The following BLTP1 variants were observed in gnomAD, a reference collection of about 807,000 sequenced individuals.
The protein encoded by BLTP1 is fragile site-associated protein.
chr4:122,221,199 T>C, the BLTP1 span: 1 of 216,750 alleles, frequency 4.6e-6, no homozygotes, highest in Non-Finnish European at 7.9e-6. Context: ...ATTATGATTA[T>C]ATGTAGTAAT....
chr4:122,211,062 T>C, the BLTP1 span: 1 of 1,613,036 alleles, frequency 6.2e-7, no homozygotes, highest in Non-Finnish European at 8.5e-7. Flanking sequence ...TAACTCTCTA[T>C]GGACCTCTAC....
chr4:122,180,831 T>C, the BLTP1 span, among the ~76,000 whole-genome samples: 1 of 152,252 alleles, frequency 6.6e-6, no homozygotes, highest in Non-Finnish European at 1.5e-5. Context: ...CTCAGGGTTT[T>C]CTATTTATGT....
chr4:122,175,747 G>C, the BLTP1 span: 1 of 710,678 alleles, frequency 1.4e-6, no homozygotes, highest in Admixed American at 2.5e-5. Flanking sequence ...AGGATTTCCT[G>C]TATTTCCTTG....
the BLTP1 span, chr4:122,167,855 G>C: frequency 3.0e-6 from 3 of 985,418 alleles, no homozygotes; most frequent in Middle Eastern, 5.2e-4. Flanking sequence ...GTTCAGGAAG[G>C]GTAGAGGAAG....
chr4:122,207,715 C>T, the BLTP1 span: 6 of 1,244,088 alleles, frequency 4.8e-6, no homozygotes, highest in Non-Finnish European at 5.7e-6. Flanking sequence ...TCTTCACTCT[C>T]TTCTCCCCAG....
chr4:122,339,209 C>A, the BLTP1 span: 1 of 1,611,330 alleles, frequency 6.2e-7, no homozygotes, highest in Non-Finnish European at 8.5e-7. Context: ...ATTTTTAGCC[C>A]TCACAGATCA....
At chr4:122,315,806 A>G in the BLTP1 span, 4 of 874,702 alleles carry the variant, frequency 4.6e-6, no homozygotes, top group East Asian at 7.9e-5. Flanking sequence ...AGAGAAGGGA[A>G]TGGTGGTTCA....
the BLTP1 span, among the ~76,000 whole-genome samples, chr4:122,163,964 C>T: frequency 3.3e-5 from 5 of 152,046 alleles, 1 homozygote; most frequent in South Asian, 8.3e-4. Context: ...TAGTTGTCTC[C>T]GCCCCTCCCT....
the BLTP1 span, chr4:122,313,752 A>G: frequency 1.1e-5 from 11 of 979,294 alleles, no homozygotes; most frequent in Non-Finnish European, 1.7e-5. Context: ...ATGGCAAGAG[A>G]ATCTTTTGGC....
the BLTP1 span, chr4:122,312,847 G>A: frequency 3.6e-6 from 3 of 823,688 alleles, no homozygotes; most frequent in South Asian, 5.6e-5. Context: ...GATTCTCAGA[G>A]TGAATTACAA....
chr4:122,240,304 G>A, the BLTP1 span: 7 of 1,614,080 alleles, frequency 4.3e-6, no homozygotes, highest in East Asian at 1.6e-4. Context: ...ACACCAACCA[G>A]TGAAGAAAGT....
chr4:122,264,504 C>T, the BLTP1 span: 221 of 1,317,284 alleles, frequency 1.7e-4, no homozygotes, highest in Middle Eastern at 1.4e-3. Context: ...TCCAATAGTA[C>T]GCACCTTGGA....
At chr4:122,232,670 G>A in the BLTP1 span, among the ~76,000 whole-genome samples, 5 of 152,068 alleles carry the variant, frequency 3.3e-5, no homozygotes, top group African/African-American at 1.2e-4. Context: ...AGTAGATTAC[G>A]TTATAGAAGA....
the BLTP1 span, among the ~76,000 whole-genome samples, chr4:122,291,455 A>T: frequency 6.6e-6 from 1 of 152,104 alleles, no homozygotes; most frequent in Non-Finnish European, 1.5e-5. Context: ...TATTTTCCTA[A>T]TTTTTTCTTA....
At chr4:122,176,213 G>A in the BLTP1 span, among the ~76,000 whole-genome samples, 1 of 151,980 alleles carries the variant, frequency 6.6e-6, no homozygotes, top group African/African-American at 2.4e-5. Context: ...TGAGGCAGGA[G>A]AATTGCTTGA....
At chr4:122,304,431 G>A in the BLTP1 span, among the ~76,000 whole-genome samples, 4 of 152,132 alleles carry the variant, frequency 2.6e-5, no homozygotes, top group African/African-American at 7.2e-5. Context: ...GGGTGGTCTC[G>A]ACCTCATGAC....
At chr4:122,300,052 C>A in the BLTP1 span, 2 of 612,794 alleles carry the variant, frequency 3.3e-6, no homozygotes, top group Non-Finnish European at 4.1e-6. Flanking sequence ...GTCATCCAGG[C>A]TGGAATGTAG....
chr4:122,183,152 A>G, the BLTP1 span: 2 of 467,390 alleles, frequency 4.3e-6, no homozygotes, highest in Non-Finnish European at 5.6e-6. Context: ...CCTGGATAAC[A>G]TAGTGAAACC....
the BLTP1 span, chr4:122,334,114 T>C: frequency 2.8e-5 from 5 of 179,280 alleles, no homozygotes; most frequent in South Asian, 1.9e-4. Flanking sequence ...TCTGGAATTA[T>C]AGAATCATAG....
Sources: gnomAD v4.1 joint callset for allele counts (sites outside exome capture counted in the v4.1 genomes callset) on GRCh38, gnomAD v4.1.1 for gene constraint, MANE v1.5 for transcripts, NCBI Gene and HGNC (gene_info 2026-07-23, HGNC 2026-07-21) for gene names.